Variants in POLQ observed in about 807,000 individuals in gnomAD.
POLQ encodes epididymis secretory sperm binding protein.
A neutral mutation model predicts 259.2 loss-of-function variants in POLQ; 233 were observed. The ratio of observed to expected loss-of-function variants is 0.90; its 90% confidence interval spans 0.81 to 1.00. POLQ has a LOEUF of 1.00. Among genes scored for constraint, POLQ ranks in the 50% least tolerant of loss-of-function variants. The pLI is 0.00. For synonymous variants in POLQ, 1,025 were observed against 1,048.8 expected, an observed-to-expected ratio of 0.98 and a Z score of 0.44; for missense variants, 2,871 against 3,051.6, an observed-to-expected ratio of 0.94 and a Z score of 1.39.
At chr3:121,433,797 A>G (rs2047521369) in intron 28 of POLQ, among the ~76,000 whole-genome samples, 1 of 152,152 alleles carries the variant, frequency 6.6e-6, no homozygotes, top group African/African-American at 2.4e-5. Context: ...CTTAAACCTC[A>G]CAGTAGTCAT....
At chr3:121,493,932 TA>T (rs766622818) in intron 14 of POLQ, among the ~76,000 whole-genome samples, 5 of 152,138 alleles carry the variant, frequency 3.3e-5, no homozygotes, top group Non-Finnish European at 7.4e-5. Context: ...GAGATGACAT[TA>T]AATGTCATCT....
Position 121,487,708 on chromosome 3 carries a change from T to C in POLQ, c.5223A>G (p.Pro1741=), listed in dbSNP as rs1359589083. The stretch of plus-strand genomic sequence containing the variant: ...GAAATGTCAGCTTAGAAGCAGATGT[T>C]GGAATGGGTGTAGGAGGAATGAGAC... ...DNGLIPPTPI[P]TSASKLTFPG... The change falls in exon 16 of 30, where the codon CCA becomes CCG. Residue 1741 remains proline (P), a synonymous_variant. Transcript: ENST00000264233. The C allele has an allele frequency of 9.9e-6, 16 of 1,614,020 alleles. No individual in the cohort carries two copies. Among genetic ancestry groups the C allele is most frequent in the Non-Finnish European group, 1.3e-5 (15 of 1,179,904 alleles).
chr3:121,449,456 T>C (rs2047655838), intron 25 of POLQ, 30 bp from the exon 26 acceptor site: 9 of 1,191,396 alleles, frequency 7.6e-6, no homozygotes, highest in Non-Finnish European at 1.1e-5. Context: ...CAAATAAAGG[T>C]TATAAGTACA....
chr3:121,503,152 T>C (rs970682893), intron 12 of POLQ, among the ~76,000 whole-genome samples: 7 of 152,204 alleles, frequency 4.6e-5, no homozygotes, highest in Admixed American at 3.3e-4. Context: ...TGTTTAGAAA[T>C]GTCTAGATAC....
intron 9 of POLQ, among the ~76,000 whole-genome samples, chr3:121,518,754 G>GT (rs1255229322): frequency 1.1e-5 from 1 of 90,132 alleles, no homozygotes; most frequent in Non-Finnish European, 2.5e-5. Context: ...CTGTTTGCCT[G>GT]TTTTGTTTTT....
At chr3:121,542,805 A>G (rs1434102304) in intron 2 of POLQ, among the ~76,000 whole-genome samples, 1 of 152,152 alleles carries the variant, frequency 6.6e-6, no homozygotes, top group East Asian at 1.9e-4. Flanking sequence ...AAAAATTTAA[A>G]CAAAAATTTT....
chr3:121,473,653 C>A (rs2047903341), intron 20 of POLQ, among the ~76,000 whole-genome samples, 166 bp from the exon 21 acceptor site: 1 of 148,522 alleles, frequency 6.7e-6, no homozygotes, highest in African/African-American at 2.5e-5. Flanking sequence ...TGATGGCAAT[C>A]AAAATTTATA....
At chr3:121,543,667 G>T (rs963878430) in intron 2 of POLQ, among the ~76,000 whole-genome samples, 2 of 152,166 alleles carry the variant, frequency 1.3e-5, no homozygotes, top group African/African-American at 4.8e-5. Flanking sequence ...GTTAAAAATT[G>T]TGTATGCCAT....
chr3:121,543,982 C>CA (rs890108103), intron 2 of POLQ, among the ~76,000 whole-genome samples: 2,302 of 129,058 alleles, frequency 0.018, 52 homozygotes, highest in African/African-American at 0.057. Flanking sequence ...GACTCCATCT[C>CA]AAAAAAAAAA....
At chr3:121,540,058 AT>A (rs536170661) in intron 3 of POLQ, among the ~76,000 whole-genome samples, 2,338 of 146,410 alleles carry the variant, frequency 0.016, 26 homozygotes, top group Non-Finnish European at 0.02. Flanking sequence ...TTTAATAATA[AT>A]TTTTTTTTTT....
chr3:121,504,860 T>C (rs1462188296), intron 12 of POLQ, among the ~76,000 whole-genome samples: 3 of 152,130 alleles, frequency 2.0e-5, no homozygotes, highest in African/African-American at 7.2e-5. Context: ...TCTGAGTTAA[T>C]GATGCAATGA....
chr3:121,499,341 C>A lies in POLQ; in HGVS notation c.1960-671G>T, dbSNP rs1010987834. Among the ~76,000 whole-genome samples the A allele has an allele frequency of 1.5e-4, 22 of 151,184 alleles. No homozygotes were observed. The South Asian group carries it at 4.4e-3, about 30-fold the overall frequency. On this transcript the variant is annotated intron_variant, in intron 12 of 29. Coordinates refer to ENST00000264233, the MANE Select transcript of POLQ (RefSeq NM_199420.4). ...GGATCTAGTTCACTGAAGCTTCAACCTCCTGTGCTCAAGCAATCCTCCCAA... is the reference window on the plus strand; with the variant it reads ...GGATCTAGTTCACTGAAGCTTCAACATCCTGTGCTCAAGCAATCCTCCCAA...
chr3:121,511,276 T>TAC (rs2048253663), intron 10 of POLQ, among the ~76,000 whole-genome samples: 1 of 146,598 alleles, frequency 6.8e-6, no homozygotes, highest in Non-Finnish European at 1.5e-5. Flanking sequence ...CAGGCACCTG[T>TAC]AGTCCCAGCT....
chr3:121,496,427 G>A (rs1263175536), intron 14 of POLQ, among the ~76,000 whole-genome samples: 1 of 151,886 alleles, frequency 6.6e-6, no homozygotes, highest in South Asian at 2.1e-4. Flanking sequence ...CACCCGACTC[G>A]GCCTCCCAAA....
chr3:121,500,708 T>C (rs940099270), intron 12 of POLQ, among the ~76,000 whole-genome samples: 2 of 152,006 alleles, frequency 1.3e-5, no homozygotes, highest in Non-Finnish European at 2.9e-5. Context: ...TTAACCTACA[T>C]ATCCAAGAAA....
chr3:121,512,969 A>AT (rs1302361521), intron 9 of POLQ, among the ~76,000 whole-genome samples: 1 of 152,254 alleles, frequency 6.6e-6, no homozygotes, highest in Admixed American at 6.5e-5. Flanking sequence ...GAAAGCACTT[A>AT]TATGTTAAAG....
Position 121,436,283 on chromosome 3 carries a change from A to T in POLQ, c.7390-8T>A, listed in dbSNP as rs773801679. ...GATAGCTTGACGCTCAGCCTAGAAAAAACAATCAACAGGTGCTCCACCAGA... is the reference window on the plus strand; with the variant it reads ...GATAGCTTGACGCTCAGCCTAGAAATAACAATCAACAGGTGCTCCACCAGA... On this transcript the variant is annotated splice_region_variant and splice_polypyrimidine_tract_variant and intron_variant, in intron 27 of 29. Transcript: ENST00000264233. 26 of 1,613,414 alleles carry T rather than the reference A, an allele frequency of 1.6e-5. No homozygotes were observed. In the South Asian group the frequency reaches 2.7e-4, roughly 17 times the overall value.
rs1220234294 is a variant in POLQ, at chr3:121,487,526, GT to G, written c.5404del (p.Thr1802GlnfsTer14). The G allele has an allele frequency of 6.2e-7, 1 of 1,614,036 alleles. No homozygotes were observed. The highest frequency in any genetic ancestry group is 8.5e-7 in the Non-Finnish European group (1 of 1,179,910). On this transcript the variant is annotated frameshift_variant, in exon 16 of 30. Transcript: ENST00000264233. LOFTEE classifies it high-confidence loss of function. ...CTGTGATAACTGAAGTGAAAAGCTTGTGTCACTAATAGGGCTGTTGTCTTTG... is the reference window on the plus strand; with the variant it reads ...CTGTGATAACTGAAGTGAAAAGCTTGGTCACTAATAGGGCTGTTGTCTTTG... ...GFKDNSPISD[T>X]SFSLQLSQDG... is the part of the protein sequence containing the mutation.
In POLQ at chr3:121,498,628, G is replaced by T. The variant is rs771932036; in HGVS notation, c.2002C>A (p.Arg668=). Reference sequence around the variant, plus strand: ...AACTTCTCCCATAAACAGAAAAATCGATACCAATCAATAGTAGTCCAATCC... The same window carrying T: ...AACTTCTCCCATAAACAGAAAAATCTATACCAATCAATAGTAGTCCAATCC... ...FEDWTTIDWY[R]FFCLWEKLPT... Residue 668 remains arginine (R), a synonymous_variant, in exon 13 of 30, where the codon CGA becomes AGA. Coordinates refer to ENST00000264233, the MANE Select transcript of POLQ (RefSeq NM_199420.4). 2 of 1,613,626 alleles carry T rather than the reference G, an allele frequency of 1.2e-6. No individual in the cohort carries two copies. The highest frequency in any genetic ancestry group is 3.3e-5 in the Admixed American group (2 of 60,016).
Sources: gnomAD v4.1 joint callset for allele counts (sites outside exome capture counted in the v4.1 genomes callset) on GRCh38, gnomAD v4.1.1 for gene constraint, MANE v1.5 for transcripts, NCBI Gene and HGNC (gene_info 2026-07-23, HGNC 2026-07-21) for gene names.